INPP5A: variants seen among roughly 807,000 people sequenced by gnomAD.
The protein encoded by INPP5A is 43 kDa inositol polyphosphate 5-phophatase.
In INPP5A, 14 loss-of-function variants were observed where a neutral mutation model predicts 65.2. The observed-to-expected ratio is 0.21, with a 90% CI of 0.14 to 0.34. The LOEUF (loss-of-function observed/expected upper bound fraction) is 0.34, where lower values mean the gene tolerates loss of function less well. INPP5A is among the 10% of genes least tolerant of loss of function. The pLI, the probability that INPP5A is intolerant of heterozygous loss-of-function variation, is 1.00. For missense variants in INPP5A, 431 were observed against 545.6 expected (o/e 0.79, Z 2.09); for synonymous variants, 207 against 208.3 (o/e 0.99, Z 0.05).
chr10:132,680,808 G>A (rs1010760871), intron 4 of INPP5A, among the ~76,000 whole-genome samples: 13 of 152,256 alleles, frequency 8.5e-5, no homozygotes, highest in Admixed American at 2.6e-4. Flanking sequence ...CAGCAGCTGC[G>A]GAGGGTGTAC....
chr10:132,766,607 G>A (rs1382945167), intron 12 of INPP5A, among the ~76,000 whole-genome samples: 2 of 152,232 alleles, frequency 1.3e-5, no homozygotes, highest in African/African-American at 4.8e-5. Flanking sequence ...GTGAGCATGA[G>A]TGAGAGCATG....
intron 4 of INPP5A, among the ~76,000 whole-genome samples, chr10:132,653,244 C>T (rs748810581): frequency 6.6e-6 from 1 of 152,244 alleles, no homozygotes; most frequent in Non-Finnish European, 1.5e-5. Context: ...GCGAAAGCCT[C>T]AGCAAAACCT....
rs144974214 is a variant in INPP5A, at chr10:132,698,418, T to C, written c.474+499T>C. On this transcript the variant is annotated intron_variant, in intron 6 of 15. Coordinates refer to ENST00000368594, the MANE Select transcript of INPP5A (RefSeq NM_005539.5). This position sits in a 1 kb window ranked among gnomAD's most constrained non-coding sequence, Gnocchi z 5.5. The stretch of plus-strand genomic sequence containing the variant: ...TTATGCCTGCGTCACACGGAGAGAT[T>C]AGAATCAAAATGTGTGGAAGGCATT... 0.014 allele frequency among the ~76,000 whole-genome samples: 2,171 copies of C among 152,292 alleles called. 27 individuals carry two copies. Among genetic ancestry groups the C allele is most frequent in the Non-Finnish European group, 0.019 (1,304 of 68,028 alleles).
At chr10:132,581,544 C>A (rs148434151) in intron 1 of INPP5A, among the ~76,000 whole-genome samples, 671 of 152,248 alleles carry the variant, frequency 4.4e-3, no homozygotes, top group African/African-American at 0.014. Context: ...CACCCTTCCC[C>A]CATTTGGTGT....
At position 132,566,429 on chromosome 10, in the gene INPP5A, G is replaced by A. The variant is rs116888434; in HGVS notation, c.75+28258G>A. 7.8e-3 allele frequency among the ~76,000 whole-genome samples: 1,190 copies of A among 152,294 alleles called. 4 individuals carry two copies. The highest frequency in any genetic ancestry group is 0.012 in the Non-Finnish European group (825 of 68,020). ...CGGAGGCCCGACAGAAGGTGGCACC[G>A]TGAAAACAGCTGTGCAGTTGTCTTG... On this transcript the variant is annotated intron_variant, in intron 1 of 15. Transcript: ENST00000368594.
chr10:132,624,235 C>T (rs1253156225), intron 2 of INPP5A, among the ~76,000 whole-genome samples: 2 of 152,214 alleles, frequency 1.3e-5, no homozygotes, highest in Non-Finnish European at 2.9e-5. Context: ...CCTGTGATCC[C>T]CGCCTCTGCT....
chr10:132,618,702 G>C lies in INPP5A; in HGVS notation c.117+10746G>C, dbSNP rs112496715. Among the ~76,000 whole-genome samples, 1,240 of 152,312 alleles carry C rather than the reference G, an allele frequency of 8.1e-3. 15 individuals carry two copies. Among genetic ancestry groups the C allele is most frequent in the African/African-American group, 0.029 (1,189 of 41,566 alleles). ...TGCAGGAAGCTTAGTGCTGGCACCTGCTCAGCCCTTGGAGGCCTCATGGAA... is the reference window on the plus strand; with the variant it reads ...TGCAGGAAGCTTAGTGCTGGCACCTCCTCAGCCCTTGGAGGCCTCATGGAA... On this transcript the variant is annotated intron_variant, in intron 2 of 15. Coordinates refer to ENST00000368594, the MANE Select transcript of INPP5A (RefSeq NM_005539.5).
At chr10:132,664,346 T>A (rs2072775782) in intron 4 of INPP5A, among the ~76,000 whole-genome samples, 1 of 152,236 alleles carries the variant, frequency 6.6e-6, no homozygotes, top group Non-Finnish European at 1.5e-5. Flanking sequence ...CAGGTTTGGC[T>A]TCAGATGCTG....
In INPP5A at chr10:132,720,025, G is replaced by A. The variant is rs1463841063; in HGVS notation, c.648-6796G>A. On this transcript the variant is annotated intron_variant, in intron 8 of 15. Coordinates refer to ENST00000368594, the MANE Select transcript of INPP5A (RefSeq NM_005539.5). ...TCTGTGGTGCCTGGGTTCTGTCTGGGCGCCTTAGACGGCTGTCTTGTGGGT... is the reference window on the plus strand; with the variant it reads ...TCTGTGGTGCCTGGGTTCTGTCTGGACGCCTTAGACGGCTGTCTTGTGGGT... Among the ~76,000 whole-genome samples, 32 of 150,854 alleles carry A rather than the reference G, an allele frequency of 2.1e-4. 1 individual carries two copies. Among genetic ancestry groups the A allele is most frequent in the African/African-American group, 5.9e-4 (24 of 40,892 alleles).
chr10:132,555,796 G>A lies in INPP5A; in HGVS notation c.75+17625G>A, dbSNP rs548487230. Among the ~76,000 whole-genome samples, 6 of 152,312 alleles carry A rather than the reference G, an allele frequency of 3.9e-5. No homozygotes were observed. The highest frequency in any genetic ancestry group is 4.1e-4 in the South Asian group (2 of 4,826). ...CAGGGTGTTTTGTTGCCCTCAGCAC[G>A]TGTGGTCTGCACAGACAGACCAGGG... On this transcript the variant is annotated intron_variant, in intron 1 of 15. Transcript: ENST00000368594. This position sits in a 1 kb window ranked among gnomAD's most constrained non-coding sequence, Gnocchi z 4.4.
chr10:132,625,392 G>GAGGC (rs1308883785), intron 2 of INPP5A, among the ~76,000 whole-genome samples: 2 of 152,074 alleles, frequency 1.3e-5, no homozygotes. Context: ...GCTAGGGAGG[G>GAGGC]AGGCAGTCAA....
At chr10:132,569,949 G>T (rs529267436) in intron 1 of INPP5A, among the ~76,000 whole-genome samples, 2 of 139,264 alleles carry the variant, frequency 1.4e-5, no homozygotes, top group African/African-American at 5.3e-5. Context: ...ACCGCACTGG[G>T]CCCCCACTGT....
chr10:132,666,345 G>A (rs2072802356), intron 4 of INPP5A, among the ~76,000 whole-genome samples: 1 of 152,202 alleles, frequency 6.6e-6, no homozygotes, highest in African/African-American at 2.4e-5. Flanking sequence ...GAAACTTGAG[G>A]AACTGTGAAG....
chr10:132,565,269 C>G (rs1012119777), intron 1 of INPP5A, among the ~76,000 whole-genome samples: 1 of 152,186 alleles, frequency 6.6e-6, no homozygotes, highest in Non-Finnish European at 1.5e-5. Flanking sequence ...ACCACCACAC[C>G]TGGCCAGTTT....
At chr10:132,766,993 C>T (rs1424339664) in intron 12 of INPP5A, among the ~76,000 whole-genome samples, 89 of 124,174 alleles carry the variant, frequency 7.2e-4, no homozygotes, top group African/African-American at 2.9e-3. Context: ...TGGGTGGGAG[C>T]TGGAGGATGC....
chr10:132,745,776 G>A (rs904164478), intron 9 of INPP5A, among the ~76,000 whole-genome samples: 3 of 150,658 alleles, frequency 2.0e-5, no homozygotes, highest in East Asian at 1.9e-4. Context: ...GTGGGCCCGG[G>A]CATGGTGGGC....
intron 4 of INPP5A, among the ~76,000 whole-genome samples, chr10:132,652,939 G>A (rs1177702232): frequency 6.6e-6 from 1 of 152,140 alleles, no homozygotes; most frequent in African/African-American, 2.4e-5. Context: ...GGGTGGAGAC[G>A]GGAGGCTCTG....
chr10:132,719,719 G>C (rs1473356447), intron 8 of INPP5A, among the ~76,000 whole-genome samples: 1 of 144,756 alleles, frequency 6.9e-6, no homozygotes, highest in Admixed American at 6.8e-5. Context: ...CTGTCTGGGC[G>C]CCTTAGACGG....
chr10:132,660,962 G>A (rs551123920), intron 4 of INPP5A, among the ~76,000 whole-genome samples: 7 of 152,270 alleles, frequency 4.6e-5, no homozygotes, highest in Admixed American at 3.3e-4. Flanking sequence ...CCCATACTGA[G>A]CACTAAAGAG....
Sources: allele counts gnomAD v4.1 joint callset (sites outside exome capture counted in the v4.1 genomes callset), GRCh38; gene constraint gnomAD v4.1.1; non-coding constraint Gnocchi (gnomAD v3.1); transcripts MANE v1.5; gene names NCBI Gene and HGNC (gene_info 2026-07-23, HGNC 2026-07-21).